Variants in HDAC4 observed in about 807,000 individuals in gnomAD.
HDAC4 encodes histone deacetylase A.
Under a neutral mutation model 135.1 loss-of-function variants are expected in HDAC4, and 16 were observed. The ratio of observed to expected loss-of-function variants is 0.12; its 90% confidence interval spans 0.08 to 0.18. HDAC4 has a LOEUF of 0.18. HDAC4 is among the 10% of genes least tolerant of loss of function. The pLI, the probability that HDAC4 is intolerant of heterozygous loss-of-function variation, is 1.00. For synonymous variants in HDAC4, 685 were observed against 653.4 expected, an observed-to-expected ratio of 1.05 and a Z score of -0.74; for missense variants, 1,143 against 1,511.8, an observed-to-expected ratio of 0.76 and a Z score of 4.05.
chr2:239,130,490 T>C (rs1559484437), intron 11 of HDAC4, among the ~76,000 whole-genome samples: 1 of 151,866 alleles, frequency 6.6e-6, no homozygotes, highest in Non-Finnish European at 1.5e-5. Flanking sequence ...TGTTTCAGGA[T>C]GCTAGAAAGA....
chr2:239,324,024 C>A (rs931463155), intron 2 of HDAC4, among the ~76,000 whole-genome samples: 2 of 152,158 alleles, frequency 1.3e-5, no homozygotes, highest in Non-Finnish European at 2.9e-5. Context: ...CTACGGTATG[C>A]ACTGATGAAA....
chr2:239,108,279 T>C, intron 14 of HDAC4, 96 bp from the exon 15 acceptor site: 1 of 1,410,886 alleles, frequency 7.1e-7, no homozygotes, highest in Non-Finnish European at 9.8e-7. Context: ...GAACCACCAC[T>C]TCCCTAGAAG....
intron 1 of HDAC4, among the ~76,000 whole-genome samples, chr2:239,360,826 C>T (rs1693817524): frequency 6.6e-6 from 1 of 152,226 alleles, no homozygotes; most frequent in Non-Finnish European, 1.5e-5. Flanking sequence ...GAGCCTGATT[C>T]TTTTCTCCCC....
chr2:239,296,457 C>T (rs2051898518), intron 2 of HDAC4, among the ~76,000 whole-genome samples: 1 of 152,206 alleles, frequency 6.6e-6, no homozygotes, highest in African/African-American at 2.4e-5. Flanking sequence ...CAGATGCAGG[C>T]AGCCAGCTGA....
At chr2:239,216,199 T>C (rs76093366) in intron 3 of HDAC4, among the ~76,000 whole-genome samples, 12 of 119,490 alleles carry the variant, frequency 1.0e-4, no homozygotes, top group East Asian at 4.7e-4. Flanking sequence ...TTTATATATA[T>C]ACACACACAC....
rs1244536837 is a variant in HDAC4 at position 239,081,179 on chromosome 2, G to C, written c.2666C>G (p.Pro889Arg). The change falls in exon 22 of 27, where the codon CCC becomes CGC. Residue 889 changes from proline (P) to arginine (R), a missense_variant. Pro to Arg is a moderately radical substitution (Grantham distance 103, BLOSUM62 -2). This residue lies in a region of HDAC4 where 189 missense variants were observed against 317.6 expected (regional missense o/e 0.60). Transcript: ENST00000543185. ...SGAPDEVGTG[P>R]GVGFNVNMAF... is the part of the protein sequence containing the mutation. ...CATGTTGACGTTGAAACCCACGCCGGGCCCTGTGCCCACCTGTGGCCAGAA... is the reference window on the plus strand; with the variant it reads ...CATGTTGACGTTGAAACCCACGCCGCGCCCTGTGCCCACCTGTGGCCAGAA... 1 of 1,613,400 alleles carries C rather than the reference G, an allele frequency of 6.2e-7. No homozygotes were observed. Among genetic ancestry groups the C allele is most frequent in the South Asian group, 1.1e-5 (1 of 90,904 alleles).
intron 2 of HDAC4, among the ~76,000 whole-genome samples, chr2:239,292,491 A>G (rs893884306): frequency 8.5e-5 from 13 of 152,112 alleles, no homozygotes; most frequent in Admixed American, 5.9e-4. Flanking sequence ...CAGTGACCCC[A>G]CCACTCCAGC....
At chr2:239,247,966 G>A (rs962049252) in intron 2 of HDAC4, among the ~76,000 whole-genome samples, 1 of 152,140 alleles carries the variant, frequency 6.6e-6, no homozygotes, top group South Asian at 2.1e-4. Flanking sequence ...GCAGCATTTC[G>A]GAAGTGACCA....
At chr2:239,108,910 C>G (rs3791409) in intron 14 of HDAC4, among the ~76,000 whole-genome samples, 72,064 of 152,214 alleles carry the variant, frequency 0.47, 18,206 homozygotes, top group South Asian at 0.71. Context: ...CCAACTGGGC[C>G]GGCAGCCTGG....
chr2:239,275,319 T>C (rs1289215119), intron 2 of HDAC4, among the ~76,000 whole-genome samples: 1 of 152,208 alleles, frequency 6.6e-6, no homozygotes, highest in Non-Finnish European at 1.5e-5. Context: ...CACATGTGGT[T>C]TGATTGACGC....
At chr2:239,179,641 C>T (rs375735719) in intron 4 of HDAC4, among the ~76,000 whole-genome samples, 20 of 152,300 alleles carry the variant, frequency 1.3e-4, no homozygotes, top group Admixed American at 5.9e-4. Context: ...ACAACAAATG[C>T]GCATCACTTC....
chr2:239,190,843 T>C (rs767290549), intron 3 of HDAC4: 1 of 407,340 alleles, frequency 2.5e-6, no homozygotes, highest in South Asian at 1.8e-5. Flanking sequence ...TTACAATCAA[T>C]ACCAAATGAA....
rs139886798 is a variant in HDAC4, at chr2:239,134,534, G to C, written c.1088C>G (p.Pro363Arg). Residue 363 changes from proline to arginine, a missense_variant, in exon 10 of 27, where the codon CCC becomes CGC. Around this residue, in one of 9 missense-constraint regions of HDAC4, gnomAD observed 272 missense variants for 309.7 expected, o/e 0.88. Coordinates refer to ENST00000543185, the MANE Select transcript of HDAC4 (RefSeq NM_001378414.1). ...CCACGGGGGCTGACTTACCGCAGAGGGGCCGGTGGCAGGCAGGCCCAGCGT... is the reference window on the plus strand; with the variant it reads ...CCACGGGGGCTGACTTACCGCAGAGCGGCCGGTGGCAGGCAGGCCCAGCGT... The part of the protein sequence containing the change: ...NITLGLPATG[P>R]SAGTAGQQDA... 168 of 1,613,918 alleles carry C rather than the reference G, an allele frequency of 1.0e-4. No individual in the cohort carries two copies. The highest frequency in any genetic ancestry group is 1.2e-4 in the Non-Finnish European group (147 of 1,179,990).
intron 2 of HDAC4, among the ~76,000 whole-genome samples, chr2:239,328,232 C>A (rs1429939614): frequency 1.3e-5 from 2 of 152,228 alleles, no homozygotes; most frequent in African/African-American, 2.4e-5. Context: ...CCCCGGTAAC[C>A]CAGGACTGTG....
chr2:239,290,729 TACGCACACACGC>T (rs2051433678), intron 2 of HDAC4, among the ~76,000 whole-genome samples: 1 of 151,966 alleles, frequency 6.6e-6, no homozygotes, highest in South Asian at 2.1e-4. Flanking sequence ...CGCACTCACG[TACGCACACACGC>T]GCACGCACTC....
In HDAC4 at chr2:239,313,600, C is replaced by T. The variant is rs937105683; in HGVS notation, c.22+39078G>A. On this transcript the variant is annotated intron_variant, in intron 2 of 26. Transcript: ENST00000543185. The surrounding 1 kb of genome is among the most constrained non-coding windows in gnomAD (Gnocchi z 5.1). ...AGGCCCTTAGCACCTCCTGACCCCCCGATCTCCCAGACTCTCTGCTGGAAG... is the reference window on the plus strand; with the variant it reads ...AGGCCCTTAGCACCTCCTGACCCCCTGATCTCCCAGACTCTCTGCTGGAAG... Among the ~76,000 whole-genome samples, 1 of 152,134 alleles carries T rather than the reference C, an allele frequency of 6.6e-6. No homozygotes were observed. Among genetic ancestry groups the T allele is most frequent in the Non-Finnish European group, 1.5e-5 (1 of 68,036 alleles).
chr2:239,081,127 G>T lies in HDAC4; in HGVS notation c.2718C>A (p.Pro906=), dbSNP rs748412007. 5 of 1,613,120 alleles carry T rather than the reference G, an allele frequency of 3.1e-6. No individual in the cohort carries two copies. The highest frequency in any genetic ancestry group is 2.2e-5 in the East Asian group (1 of 44,876). ...CCGCCAAGTACTCAGCGTCTCCCAT[G>T]GGGGGGTCCAGGCCGCCGGTGAAAG... ...NMAFTGGLDP[P]MGDAEYLAAF... The change falls in exon 22 of 27, where the codon CCC becomes CCA. Residue 906 remains proline, a synonymous_variant. Coordinates refer to ENST00000543185, the MANE Select transcript of HDAC4 (RefSeq NM_001378414.1).
Position 239,352,891 on chromosome 2 carries a change from A to AG in HDAC4, c.-193dup. ...GCCAGGTAACCCACAAGTTGAACAGAGGCGTCCGCTGGCTTCTGCAGATGA... is the reference window on the plus strand; with the variant it reads ...GCCAGGTAACCCACAAGTTGAACAGAGGGCGTCCGCTGGCTTCTGCAGATGA... On this transcript the variant is annotated 5_prime_UTR_variant, in exon 2 of 27. It removes the in-frame stop codon of an upstream open reading frame in the 5' UTR. Transcript: ENST00000543185. This position sits in a 1 kb window ranked among gnomAD's most constrained non-coding sequence, Gnocchi z 4.4. 1.6e-6 allele frequency: 1 copy of AG among 637,804 alleles called. No homozygotes were observed. The highest frequency in any genetic ancestry group is 1.7e-5 in the South Asian group (1 of 57,404). 39.5% of individuals were successfully genotyped at this position (637,804 alleles called of 1,614,324 possible).
intron 21 of HDAC4, 125 bp from the exon 22 acceptor site, chr2:239,081,317 G>A: frequency 1.3e-6 from 1 of 764,614 alleles, no homozygotes; most frequent in Non-Finnish European, 2.3e-6. Flanking sequence ...GAGCCCACGT[G>A]TCCTGATCTC....
Sources: gnomAD v4.1 joint callset for allele counts (sites outside exome capture counted in the v4.1 genomes callset) on GRCh38, gnomAD v4.1.1 for gene constraint, gnomAD v4.1.1 regional missense constraint, Gnocchi (gnomAD v3.1) non-coding constraint, MANE v1.5 for transcripts, NCBI Gene and HGNC (gene_info 2026-07-23, HGNC 2026-07-21) for gene names.